ROBO2: variants seen among roughly 807,000 people sequenced by gnomAD.
ROBO2 encodes roundabout guidance receptor 2.
A neutral mutation model predicts 160.8 loss-of-function variants in ROBO2; 53 were observed. That is an observed-to-expected ratio of 0.33 (90% CI 0.26 to 0.41). The LOEUF (loss-of-function observed/expected upper bound fraction) is 0.41, where lower values mean the gene tolerates loss of function less well. Among genes scored for constraint, ROBO2 ranks in the 10% least tolerant of loss-of-function variants. The probability of loss-of-function intolerance (pLI) is 1.00; values close to 1 mark genes in which losing one functional copy is unlikely to be tolerated. For missense variants in ROBO2, 1,577 were observed against 1,722.4 expected (o/e 0.92, Z 1.49); for synonymous variants, 664 against 611.7 (o/e 1.09, Z -1.26).
At chr3:75,926,159 AAT>A (rs1372583330) in intron 1 of ROBO2, among the ~76,000 whole-genome samples, 10 of 152,184 alleles carry the variant, frequency 6.6e-5, no homozygotes, top group African/African-American at 2.2e-4. Flanking sequence ...CAAGGAATCA[AAT>A]TTCCTTTTGC....
intron 2 of ROBO2, among the ~76,000 whole-genome samples, chr3:76,010,343 A>T (rs1179120491): frequency 2.6e-5 from 4 of 152,232 alleles, no homozygotes; most frequent in Non-Finnish European, 5.9e-5. Flanking sequence ...CTTTGTCTGC[A>T]AATCAGAGCA....
At chr3:76,837,958 A>T (rs1468852078) in intron 2 of ROBO2, among the ~76,000 whole-genome samples, 1 of 151,932 alleles carries the variant, frequency 6.6e-6, no homozygotes, top group Non-Finnish European at 1.5e-5. Context: ...CCCAACCTTT[A>T]TATGCAGTCT....
chr3:77,276,200 T>C (rs1308172128), intron 2 of ROBO2, among the ~76,000 whole-genome samples: 1 of 141,640 alleles, frequency 7.1e-6, no homozygotes, highest in Non-Finnish European at 1.5e-5. Flanking sequence ...AGTTAATAAG[T>C]TGTAAAAACA....
intron 2 of ROBO2, among the ~76,000 whole-genome samples, chr3:76,118,349 A>G (rs1157016394): frequency 6.6e-6 from 1 of 152,174 alleles, no homozygotes; most frequent in Non-Finnish European, 1.5e-5. Flanking sequence ...CATGTGTCCA[A>G]CTGTTATCTG....
intron 2 of ROBO2, among the ~76,000 whole-genome samples, chr3:76,818,563 C>T (rs1173486644): frequency 1.3e-5 from 2 of 152,032 alleles, no homozygotes; most frequent in East Asian, 1.9e-4. Flanking sequence ...GTCATGAAGT[C>T]TTTGCCTAAG....
At chr3:76,491,532 G>C (rs1245381385) in intron 2 of ROBO2, among the ~76,000 whole-genome samples, 1 of 152,122 alleles carries the variant, frequency 6.6e-6, no homozygotes, top group South Asian at 2.1e-4. Flanking sequence ...GAAATGTGCT[G>C]CCTGGCATAT....
chr3:77,138,650 G>GT (rs2076466245), intron 2 of ROBO2, among the ~76,000 whole-genome samples: 1 of 149,962 alleles, frequency 6.7e-6, no homozygotes, highest in South Asian at 2.1e-4. Flanking sequence ...TTTTTAAAAC[G>GT]TTTTTCCTGT....
At chr3:76,555,962 G>A (rs1396273939) in intron 2 of ROBO2, among the ~76,000 whole-genome samples, 2 of 151,938 alleles carry the variant, frequency 1.3e-5, no homozygotes, top group Non-Finnish European at 2.9e-5. Flanking sequence ...GTGGTGGTGG[G>A]CATCTGTAAT....
chr3:77,350,588 CT>C (rs968954052), intron 2 of ROBO2, among the ~76,000 whole-genome samples: 3 of 152,016 alleles, frequency 2.0e-5, no homozygotes, highest in African/African-American at 4.8e-5. Context: ...GAAGGACAGA[CT>C]TTTTTTTCTT....
In ROBO2 at chr3:76,137,387, G is replaced by A. The variant is rs149690131; in HGVS notation, c.109+199785G>A. Among the ~76,000 whole-genome samples, 9 of 152,074 alleles carry A rather than the reference G, an allele frequency of 5.9e-5. No individual in the cohort carries two copies. The East Asian group carries it at 1.7e-3, about 29-fold the overall frequency. The stretch of plus-strand genomic sequence containing the variant: ...AAAACGTACCCTTTCTATGCCTGAT[G>A]TTAACATTGTTCTCATACAGTTGTG... On this transcript the variant is annotated intron_variant, in intron 2 of 26. Transcript: ENST00000487694.
intron 1 of ROBO2, among the ~76,000 whole-genome samples, chr3:77,084,736 A>C (rs1254698831): frequency 2.0e-5 from 3 of 152,190 alleles, no homozygotes; most frequent in Non-Finnish European, 4.4e-5. Context: ...CTTTTCTCTA[A>C]GCTGCAGATG....
At chr3:76,809,837 A>G (rs1454964485) in intron 2 of ROBO2, among the ~76,000 whole-genome samples, 2 of 152,166 alleles carry the variant, frequency 1.3e-5, no homozygotes, top group Non-Finnish European at 2.9e-5. Flanking sequence ...AAATTTCTCA[A>G]TTAAGGAAAG....
At chr3:77,413,064 A>T (rs892633313) in intron 2 of ROBO2, among the ~76,000 whole-genome samples, 24 of 152,140 alleles carry the variant, frequency 1.6e-4, no homozygotes, top group Admixed American at 9.2e-4. Flanking sequence ...AAAAATAATA[A>T]AAATATCTAG....
intron 2 of ROBO2, among the ~76,000 whole-genome samples, chr3:76,206,049 C>T (rs534355830): frequency 6.6e-6 from 1 of 152,218 alleles, no homozygotes; most frequent in Admixed American, 6.5e-5. Context: ...CTCTAGTCCC[C>T]CTGGAGCCCA....
chr3:76,738,354 G>C (rs895925245), intron 2 of ROBO2, among the ~76,000 whole-genome samples: 1 of 152,100 alleles, frequency 6.6e-6, no homozygotes, highest in African/African-American at 2.4e-5. Flanking sequence ...ATAGTTCAGG[G>C]CTTCTCAACG....
chr3:76,483,095 A>G (rs2079295663), intron 2 of ROBO2, among the ~76,000 whole-genome samples: 1 of 152,096 alleles, frequency 6.6e-6, no homozygotes, highest in South Asian at 2.1e-4. Context: ...ATACTATTGT[A>G]TTGGCTGTTT....
chr3:77,128,100 A>G (rs149534023), intron 2 of ROBO2, among the ~76,000 whole-genome samples: 27 of 152,326 alleles, frequency 1.8e-4, no homozygotes, highest in Non-Finnish European at 3.8e-4. Flanking sequence ...AAATGTTTCA[A>G]AAATTATACT....
At chr3:76,588,076 G>A (rs901356398) in intron 2 of ROBO2, among the ~76,000 whole-genome samples, 8 of 152,072 alleles carry the variant, frequency 5.3e-5, no homozygotes, top group African/African-American at 1.9e-4. Flanking sequence ...CATGAATATG[G>A]GGTAAAGAAG....
chr3:76,853,985 G>C (rs1049897878), intron 2 of ROBO2, among the ~76,000 whole-genome samples: 1 of 146,028 alleles, frequency 6.8e-6, no homozygotes, highest in Non-Finnish European at 1.5e-5. Context: ...CTGGAAAAAT[G>C]CATAGATAAA....
Sources: allele counts gnomAD v4.1 joint callset (sites outside exome capture counted in the v4.1 genomes callset), GRCh38; gene constraint gnomAD v4.1.1; transcripts MANE v1.5; gene names NCBI Gene and HGNC (gene_info 2026-07-23, HGNC 2026-07-21).